PPP2R5E: variants seen among roughly 807,000 people sequenced by gnomAD.
The protein encoded by PPP2R5E is serine/threonine-protein phosphatase 2A 56 kDa regulatory subunit epsilon isoform.
PPP2R5E carries 4 observed loss-of-function variants against 65.3 expected under a neutral mutation model. The ratio of observed to expected loss-of-function variants is 0.06; its 90% confidence interval spans 0.03 to 0.14. The LOEUF is 0.14. Among genes scored for constraint, PPP2R5E ranks in the 10% least tolerant of loss-of-function variants. PPP2R5E has a pLI of 1.00. For synonymous variants in PPP2R5E, 183 were observed against 187.4 expected, an observed-to-expected ratio of 0.98 and a Z score of 0.19; for missense variants, 274 against 556.1, an observed-to-expected ratio of 0.49 and a Z score of 5.10.
intron 13 of PPP2R5E, among the ~76,000 whole-genome samples, chr14:63,381,495 A>T (rs765217878): frequency 4.6e-5 from 7 of 152,186 alleles, no homozygotes; most frequent in Non-Finnish European, 8.8e-5. Flanking sequence ...CTTAACCCTG[A>T]GGCAGAAGTG....
chr14:63,515,851 C>CTTT (rs1270658455), intron 2 of PPP2R5E, among the ~76,000 whole-genome samples: 1 of 136,488 alleles, frequency 7.3e-6, no homozygotes, highest in Admixed American at 7.4e-5. Flanking sequence ...TTTTATTTTA[C>CTTT]TTTTTTTTTT....
chr14:63,500,448 C>A (rs1594945045), intron 2 of PPP2R5E, among the ~76,000 whole-genome samples: 6 of 152,238 alleles, frequency 3.9e-5, no homozygotes, highest in Admixed American at 3.9e-4. Context: ...TGACTAAATT[C>A]TAAACTCAGG....
At chr14:63,471,217 A>G (rs949287648) in intron 2 of PPP2R5E, among the ~76,000 whole-genome samples, 1 of 152,254 alleles carries the variant, frequency 6.6e-6, no homozygotes. Context: ...TAGATTGTTC[A>G]TAGACCCAGA....
chr14:63,441,642 T>A (rs1280909373), intron 3 of PPP2R5E, among the ~76,000 whole-genome samples: 1 of 152,172 alleles, frequency 6.6e-6, no homozygotes, highest in Non-Finnish European at 1.5e-5. Flanking sequence ...CAGGGCGCGG[T>A]GGTTCACGCC....
intron 5 of PPP2R5E, among the ~76,000 whole-genome samples, chr14:63,411,571 A>C (rs1403649465): frequency 6.9e-6 from 1 of 143,970 alleles, no homozygotes; most frequent in Non-Finnish European, 1.5e-5. Context: ...GGAGGTATGG[A>C]GGTGGGTCCC....
rs1883725710 is a variant in PPP2R5E at position 63,372,192 on chromosome 14, ACTG to A, written c.*3814_*3816del. 6.6e-6 allele frequency: 1 copy of A among 152,184 alleles called. No individual in the cohort carries two copies. The highest frequency in any genetic ancestry group is 1.5e-5 in the Non-Finnish European group (1 of 68,022). The allele number at this position is 152,184 out of a possible 1,614,324, so 9.4% of individuals were successfully genotyped here. A position where few individuals can be genotyped will look rare whatever the true frequency, so the allele number is the denominator to read the frequency against. On this transcript the variant is annotated 3_prime_UTR_variant, in exon 14 of 14. Coordinates refer to ENST00000337537, the MANE Select transcript of PPP2R5E (RefSeq NM_006246.5). ...GATGTTTATTTCCAAGAGAGATACT[ACTG>A]CTGCTATCGTGCACAAGAAGCAGCA...
At chr14:63,402,159 C>G (rs1305295477) in intron 5 of PPP2R5E, among the ~76,000 whole-genome samples, 1 of 152,210 alleles carries the variant, frequency 6.6e-6, no homozygotes, top group Admixed American at 6.5e-5. Context: ...TCTTCCCTGA[C>G]CAGGCTCCCA....
At chr14:63,532,369 C>G (rs1209291523) in intron 2 of PPP2R5E, among the ~76,000 whole-genome samples, 12 of 152,100 alleles carry the variant, frequency 7.9e-5, no homozygotes, top group Admixed American at 6.6e-4. Flanking sequence ...AATAACATGG[C>G]AAGATACTAA....
chr14:63,498,793 T>C (rs896336619), intron 2 of PPP2R5E, among the ~76,000 whole-genome samples: 1 of 152,098 alleles, frequency 6.6e-6, no homozygotes, highest in African/African-American at 2.4e-5. Flanking sequence ...AGTCTGCAGA[T>C]AGGGGTTCAT....
intron 5 of PPP2R5E, among the ~76,000 whole-genome samples, chr14:63,407,293 A>G (rs1207880025): frequency 2.6e-5 from 4 of 152,200 alleles, no homozygotes; most frequent in Non-Finnish European, 4.4e-5. Context: ...AGAAAAATTC[A>G]AGGTATTGAA....
chr14:63,482,590 G>A (rs1054611138), intron 2 of PPP2R5E, among the ~76,000 whole-genome samples: 2 of 152,150 alleles, frequency 1.3e-5, no homozygotes, highest in Admixed American at 6.5e-5. Flanking sequence ...TTTGGTTTAC[G>A]CAAGAAAGGG....
chr14:63,467,726 AATGTAAGCCC>A (rs1307040063), intron 2 of PPP2R5E, among the ~76,000 whole-genome samples: 1 of 152,256 alleles, frequency 6.6e-6, no homozygotes, highest in Non-Finnish European at 1.5e-5. Flanking sequence ...TTGAAAAAGA[AATGTAAGCCC>A]ATTCTGCATT....
chr14:63,479,964 C>T (rs781496580), intron 2 of PPP2R5E, among the ~76,000 whole-genome samples: 74 of 152,144 alleles, frequency 4.9e-4, no homozygotes, highest in Non-Finnish European at 9.1e-4. Flanking sequence ...CATAGTAAAA[C>T]TTTCCACAAA....
chr14:63,400,110 C>T (rs1214509760), intron 5 of PPP2R5E, among the ~76,000 whole-genome samples: 1 of 152,118 alleles, frequency 6.6e-6, no homozygotes, highest in African/African-American at 2.4e-5. Context: ...ATCCATCTAT[C>T]ATTCATTCAT....
intron 2 of PPP2R5E, among the ~76,000 whole-genome samples, chr14:63,485,557 G>A (rs141357907): frequency 0.013 from 2,026 of 152,210 alleles, 39 homozygotes; most frequent in African/African-American, 0.041. Flanking sequence ...TGGGATTACA[G>A]GCATGTGCCA....
chr14:63,538,385 G>A (rs137909163), intron 2 of PPP2R5E, among the ~76,000 whole-genome samples: 1,858 of 151,552 alleles, frequency 0.012, 24 homozygotes, highest in African/African-American at 0.041. Flanking sequence ...TCGGCTTCCC[G>A]AGTAGCTGGG....
At position 63,433,043 on chromosome 14, in the gene PPP2R5E, T is replaced by G. The variant is rs574720524; in HGVS notation, c.355-10949A>C. On this transcript the variant is annotated intron_variant, in intron 3 of 13. Transcript: ENST00000337537. ...TTTTGTTTTGTTTTGTTTTTTTTTTTTTTTTTTTTTTTGAGACAGGGTCTC... is the reference window on the plus strand; with the variant it reads ...TTTTGTTTTGTTTTGTTTTTTTTTTGTTTTTTTTTTTTGAGACAGGGTCTC... 3.8e-4 allele frequency among the ~76,000 whole-genome samples: 54 copies of G among 143,278 alleles called. No individual in the cohort carries two copies. The South Asian group carries it at 0.01, about 27-fold the overall frequency. The allele number at this position is 143,278 out of a possible 152,430, so 94.0% of individuals were successfully genotyped here.
At chr14:63,459,852 G>C (rs1889357164) in intron 2 of PPP2R5E, among the ~76,000 whole-genome samples, 1 of 152,144 alleles carries the variant, frequency 6.6e-6, no homozygotes. Flanking sequence ...AAAGCTAGCA[G>C]TGAAAACTTT....
chr14:63,478,490 T>C (rs1046105119), intron 2 of PPP2R5E, among the ~76,000 whole-genome samples: 2 of 152,202 alleles, frequency 1.3e-5, no homozygotes, highest in African/African-American at 4.8e-5. Flanking sequence ...TATACATCTC[T>C]TTAACATCTG....
Sources: allele counts gnomAD v4.1 joint callset (sites outside exome capture counted in the v4.1 genomes callset), GRCh38; gene constraint gnomAD v4.1.1; transcripts MANE v1.5; gene names NCBI Gene and HGNC (gene_info 2026-07-23, HGNC 2026-07-21).